The following TSPAN12 variants were observed in gnomAD, a reference collection of about 807,000 sequenced individuals.
TSPAN12 encodes the protein tetraspanin 12.
A neutral mutation model predicts 39.2 loss-of-function variants in TSPAN12; 19 were observed. The ratio of observed to expected loss-of-function variants is 0.49; its 90% CI spans 0.34 to 0.71. The LOEUF is 0.71. Ranked by LOEUF, TSPAN12 falls within the 30% of genes least tolerant of loss-of-function variation. TSPAN12 has a pLI of 0.01. For synonymous variants in TSPAN12, 119 were observed against 124.8 expected, an observed-to-expected ratio of 0.95 and a Z score of 0.31; for missense variants, 314 against 359.9, an observed-to-expected ratio of 0.87 and a Z score of 1.03.
At chr7:120,822,299 C>T (rs1397248443) in intron 4 of TSPAN12, among the ~76,000 whole-genome samples, 2 of 151,982 alleles carry the variant, frequency 1.3e-5, no homozygotes, top group African/African-American at 2.4e-5. Flanking sequence ...CTTAAAGAAA[C>T]ATTTATTTAT....
At chr7:120,804,074 G>A (rs548929765) in intron 7 of TSPAN12, among the ~76,000 whole-genome samples, 34 of 152,130 alleles carry the variant, frequency 2.2e-4, no homozygotes, top group African/African-American at 7.9e-4. Flanking sequence ...CACTAAAGCA[G>A]ATACAAATTA....
chr7:120,823,088 T>C (rs1306743323), intron 4 of TSPAN12, among the ~76,000 whole-genome samples: 2 of 152,124 alleles, frequency 1.3e-5, no homozygotes, highest in Admixed American at 1.3e-4. Context: ...GAATGCTTTT[T>C]CCGGAAATTA....
intron 2 of TSPAN12, among the ~76,000 whole-genome samples, chr7:120,854,833 A>G (rs552540142): frequency 1.2e-4 from 19 of 152,318 alleles, no homozygotes; most frequent in African/African-American, 4.6e-4. Flanking sequence ...ATTTTGTTGA[A>G]GCGTAGGTGA....
At position 120,788,771 on chromosome 7, in the gene TSPAN12, C is replaced by A. The variant is rs769385281; in HGVS notation, c.739G>T (p.Ala247Ser). 6.2e-7 allele frequency: 1 copy of A among 1,614,072 alleles called. No homozygotes were observed. The highest frequency in any genetic ancestry group is 8.5e-7 in the Non-Finnish European group (1 of 1,180,004). The change falls in exon 8 of 8, where the codon GCT becomes TCT. Residue 247 changes from alanine (A) to serine (S), a missense_variant. Ala to Ser is a moderately conservative substitution (Grantham distance 99). Transcript: ENST00000222747. ...GGCTCCCTTCTATCATAATACAGAG[C>A]CCAGAGCAGAGTAATGGTGAGAATC... The part of the protein sequence containing the change: ...AMILTITLLW[A>S]LYYDRREPGT...
chr7:120,791,644 CT>C (rs1201106460), intron 7 of TSPAN12, among the ~76,000 whole-genome samples: 2 of 152,076 alleles, frequency 1.3e-5, no homozygotes, highest in East Asian at 3.9e-4. Flanking sequence ...GTAATGTTTC[CT>C]TTTCAAATCT....
intron 2 of TSPAN12, among the ~76,000 whole-genome samples, chr7:120,844,434 C>G (rs1562952686): frequency 6.6e-6 from 1 of 152,210 alleles, no homozygotes; most frequent in East Asian, 1.9e-4. Flanking sequence ...AGTCAAGTCC[C>G]TTCTGCCTAT....
At chr7:120,822,543 G>A (rs138715553) in intron 4 of TSPAN12, among the ~76,000 whole-genome samples, 100 of 152,298 alleles carry the variant, frequency 6.6e-4, no homozygotes, top group Non-Finnish European at 1.2e-3. Flanking sequence ...AGAGAGCAGA[G>A]TGGCAAATTC....
chr7:120,805,320 A>G (rs1793850878), intron 7 of TSPAN12, among the ~76,000 whole-genome samples: 1 of 152,132 alleles, frequency 6.6e-6, no homozygotes, highest in Non-Finnish European at 1.5e-5. Context: ...TTAATTTACA[A>G]TATAAATTGA....
intron 2 of TSPAN12, among the ~76,000 whole-genome samples, chr7:120,849,083 G>A (rs1794725155): frequency 6.6e-6 from 1 of 152,112 alleles, no homozygotes; most frequent in East Asian, 1.9e-4. Context: ...GTTATCACAG[G>A]CAGCTAGGTT....
chr7:120,823,124 G>C (rs1483994184), intron 4 of TSPAN12, among the ~76,000 whole-genome samples: 1 of 152,016 alleles, frequency 6.6e-6, no homozygotes, highest in Admixed American at 6.6e-5. Flanking sequence ...CCTAAAATGA[G>C]AGACTAAACA....
At chr7:120,833,534 G>A (rs1451116776) in intron 4 of TSPAN12, among the ~76,000 whole-genome samples, 10 of 152,002 alleles carry the variant, frequency 6.6e-5, no homozygotes, top group Admixed American at 2.0e-4. Context: ...AAAAGTGCAA[G>A]CACACAATCA....
At chr7:120,812,381 T>C (rs1793998935) in intron 5 of TSPAN12, among the ~76,000 whole-genome samples, 1 of 152,168 alleles carries the variant, frequency 6.6e-6, no homozygotes, top group African/African-American at 2.4e-5. Context: ...TGAAGTAATA[T>C]AGACTGGGCT....
chr7:120,807,713 A>G (rs1228431668), intron 6 of TSPAN12, among the ~76,000 whole-genome samples: 1 of 152,144 alleles, frequency 6.6e-6, no homozygotes, highest in Non-Finnish European at 1.5e-5. Context: ...CTCATGCAAA[A>G]GGAAACAATG....
In TSPAN12 at chr7:120,796,648, A is replaced by C. The variant is rs556631350; in HGVS notation, c.613-7751T>G. Reference sequence around the variant, plus strand: ...CTCTTTACCATGTAGTCACCATCTCAAAATTTTAGTATCTCTGCCCTTAAG... The same window carrying C: ...CTCTTTACCATGTAGTCACCATCTCCAAATTTTAGTATCTCTGCCCTTAAG... On this transcript the variant is annotated intron_variant, in intron 7 of 7. Transcript: ENST00000222747. Among the ~76,000 whole-genome samples, 210 of 152,304 alleles carry C rather than the reference A, an allele frequency of 1.4e-3. 2 individuals are homozygous for C. Among genetic ancestry groups the C allele is most frequent in the African/African-American group, 4.8e-3 (201 of 41,566 alleles).
intron 7 of TSPAN12, among the ~76,000 whole-genome samples, chr7:120,804,272 T>C (rs1221395756): frequency 6.6e-6 from 1 of 152,176 alleles, no homozygotes; most frequent in Non-Finnish European, 1.5e-5. Context: ...ATCCATAATA[T>C]GTTTATATGT....
intron 1 of TSPAN12, chr7:120,857,258 G>C: frequency 4.0e-6 from 1 of 249,496 alleles, no homozygotes; most frequent in Non-Finnish European, 7.9e-6. Flanking sequence ...GGCGCCACCG[G>C]CAAGCCCGAG....
chr7:120,809,068 A>T (rs893673933), intron 6 of TSPAN12, among the ~76,000 whole-genome samples: 3 of 151,680 alleles, frequency 2.0e-5, no homozygotes, highest in African/African-American at 7.3e-5. Context: ...AATATAAGGG[A>T]TATAAGGGAT....
intron 7 of TSPAN12, among the ~76,000 whole-genome samples, chr7:120,806,280 A>T (rs1793872431): frequency 6.6e-6 from 1 of 152,110 alleles, no homozygotes; most frequent in Non-Finnish European, 1.5e-5. Flanking sequence ...ATCCCCAAGC[A>T]GTAGGAACTT....
chr7:120,797,579 G>A (rs551435614), intron 7 of TSPAN12, among the ~76,000 whole-genome samples: 1 of 152,316 alleles, frequency 6.6e-6, no homozygotes, highest in South Asian at 2.1e-4. Flanking sequence ...TGCCTCCTGG[G>A]TTTCTGCACA....
Sources: allele counts gnomAD v4.1 joint callset (sites outside exome capture counted in the v4.1 genomes callset), GRCh38; gene constraint gnomAD v4.1.1; transcripts MANE v1.5; gene names NCBI Gene and HGNC (gene_info 2026-07-23, HGNC 2026-07-21).